FBXL19: variants seen among roughly 807,000 people sequenced by gnomAD.
FBXL19 encodes F-box and leucine rich repeat protein 19, also known as F-box/LRR-repeat protein 19.
FBXL19 carries 16 observed loss-of-function variants against 71.2 expected under a neutral mutation model. The ratio of observed to expected loss-of-function variants is 0.22; its 90% CI spans 0.15 to 0.34. The LOEUF is 0.34. Ranked by LOEUF, FBXL19 falls within the 10% of genes least tolerant of loss-of-function variation. The pLI, the probability that FBXL19 is intolerant of heterozygous loss-of-function variation, is 1.00. For synonymous variants in FBXL19, 447 were observed against 409.4 expected (o/e 1.09, Z -1.11); for missense variants, 658 against 968.2 (o/e 0.68, Z 4.25).
At chr16:30,943,835 C>T (rs1018623547) in intron 9 of FBXL19, among the ~76,000 whole-genome samples, 5 of 152,138 alleles carry the variant, frequency 3.3e-5, no homozygotes, top group Non-Finnish European at 7.4e-5. Flanking sequence ...TTCTTTCACC[C>T]CTCTCTTTCA....
chr16:30,928,357 G>A (rs1175415276), intron 5 of FBXL19, 110 bp from the exon 6 acceptor site: 7 of 1,186,748 alleles, frequency 5.9e-6, no homozygotes, highest in Non-Finnish European at 8.0e-6. Flanking sequence ...CCTGGGACGG[G>A]GGCTTCTGGG....
chr16:30,937,013 T>G (rs1183779260), intron 7 of FBXL19, among the ~76,000 whole-genome samples: 1 of 151,980 alleles, frequency 6.6e-6, no homozygotes, highest in Non-Finnish European at 1.5e-5. Context: ...AGTGCTGGGA[T>G]TAACAGGCGT....
intron 7 of FBXL19, among the ~76,000 whole-genome samples, chr16:30,935,460 A>T (rs944671395): frequency 5.3e-5 from 8 of 152,102 alleles, no homozygotes; most frequent in Non-Finnish European, 2.9e-5. Context: ...TGAAGAGTGG[A>T]GAGAGGGCAG....
intron 7 of FBXL19, among the ~76,000 whole-genome samples, chr16:30,940,258 CAA>C (rs879944923): frequency 1.5e-4 from 17 of 115,632 alleles, no homozygotes; most frequent in Non-Finnish European, 1.1e-4. Flanking sequence ...AACTCTGTCT[CAA>C]AAAAAAAAAA....
rs530492595 is a variant in FBXL19, at chr16:30,930,330, G to T, written c.1047G>T (p.Gly349=). 60 of 1,600,058 alleles carry T rather than the reference G, an allele frequency of 3.7e-5. No homozygotes were observed. In the Admixed American group the frequency reaches 7.9e-4, roughly 21 times the overall value. Residue 349 remains glycine (G), a synonymous_variant, in exon 7 of 11, where the codon GGG becomes GGT. Transcript: ENST00000338343. This position sits in a 1 kb window ranked among gnomAD's most constrained non-coding sequence, Gnocchi z 8.5. ...GSSGEKENRG[G]RRAVRPGSGG... ...CTGGCGAGAAGGAGAACCGTGGGGG[G>T]CGGCGGGCTGTGCGCCCTGGCAGTG...
chr16:30,945,549 A>G (rs1028082539), intron 9 of FBXL19, among the ~76,000 whole-genome samples: 1 of 151,454 alleles, frequency 6.6e-6, no homozygotes, highest in Admixed American at 6.6e-5. Context: ...TTTAATCCCA[A>G]CTACTTGGGA....
chr16:30,925,236 G>T lies in FBXL19; in HGVS notation c.-24-495G>T, dbSNP rs926866013. Among the ~76,000 whole-genome samples the T allele has an allele frequency of 2.6e-4, 39 of 152,064 alleles. No individual in the cohort carries two copies. Among genetic ancestry groups the T allele is most frequent in the Middle Eastern group, 6.8e-3 (2 of 294 alleles). ...CTGTGGATGAAAAGGTTGGTGGGGC[G>T]GGGGGGAGGAAAAGTCCGGAGCTTC... On this transcript the variant is annotated intron_variant, in intron 1 of 10. Transcript: ENST00000338343. This position sits in a 1 kb window ranked among gnomAD's most constrained non-coding sequence, Gnocchi z 5.0.
chr16:30,927,421 C>T lies in FBXL19; in HGVS notation c.291C>T (p.Cys97=). ...FGLSLMECTI[C]NEIVHPGCLK... Reference sequence around the variant, plus strand: ...TGAGCCTCATGGAGTGTACAATCTGCAACGAGATCGTCCACCCCGGCTGCC... The same window carrying T: ...TGAGCCTCATGGAGTGTACAATCTGTAACGAGATCGTCCACCCCGGCTGCC... Residue 97 remains cysteine (C), a synonymous_variant, in exon 3 of 11, where the codon TGC becomes TGT. Transcript: ENST00000338343. The T allele has an allele frequency of 6.3e-7, 1 of 1,593,152 alleles. No homozygotes were observed. Among genetic ancestry groups the T allele is most frequent in the East Asian group, 2.3e-5 (1 of 44,014 alleles).
chr16:30,924,252 G>C lies in FBXL19; in HGVS notation c.-232G>C, dbSNP rs2055562641. The stretch of plus-strand genomic sequence containing the variant: ...TGGAAGGGCCGCGCCGCAGCCCGTG[G>C]GAGGGCCTCGCCCCCGGCGCCCCCC... On this transcript the variant is annotated 5_prime_UTR_variant, in exon 1 of 11. Transcript: ENST00000338343. 6.6e-6 allele frequency: 1 copy of C among 152,036 alleles called. No individual in the cohort carries two copies. The allele number at this position is 152,036 out of a possible 1,614,324, so 9.4% of individuals were successfully genotyped here. A position where few individuals can be genotyped will look rare whatever the true frequency, so the allele number is the denominator to read the frequency against.
At chr16:30,923,171 G>A (rs1347860786), upstream of FBXL19, 2 of 456,580 alleles carry the variant, frequency 4.4e-6, no homozygotes, top group Non-Finnish European at 8.8e-6. Flanking sequence ...CACGCGGAGG[G>A]TTGTGGACAG....
intron 9 of FBXL19, among the ~76,000 whole-genome samples, chr16:30,945,885 G>A (rs1195388238): frequency 6.8e-6 from 1 of 147,004 alleles, no homozygotes; most frequent in Admixed American, 6.7e-5. Context: ...GAAAACGTAT[G>A]TATGTCAGAA....
intron 7 of FBXL19, among the ~76,000 whole-genome samples, chr16:30,936,527 G>A (rs1165961296): frequency 1.3e-5 from 2 of 148,160 alleles, no homozygotes; most frequent in African/African-American, 5.0e-5. Context: ...CCGGATTCAC[G>A]CCATTCTCCT....
intron 2 of FBXL19, among the ~76,000 whole-genome samples, chr16:30,927,075 G>C (rs2055600934): frequency 6.6e-6 from 1 of 152,210 alleles, no homozygotes; most frequent in South Asian, 2.1e-4. Flanking sequence ...TCTCCCAAGA[G>C]TCCTGCGAGG....
At position 30,942,064 on chromosome 16, in the gene FBXL19, G is replaced by A. The variant is rs2055808013; in HGVS notation, c.1302-52G>A. On this transcript the variant is annotated intron_variant, in intron 7 of 10. Coordinates refer to ENST00000338343, the MANE Select transcript of FBXL19 (RefSeq NM_001382779.1). The surrounding 1 kb of genome is among the most constrained non-coding windows in gnomAD (Gnocchi z 5.7). ...GGAGCTGGGGAGCCTGGGAACTGTG[G>A]GCTGCTGAGAGCTGAGGGCTGAGGT... 1 of 1,472,076 alleles carries A rather than the reference G, an allele frequency of 6.8e-7. No individual in the cohort carries two copies. 91.2% of individuals were successfully genotyped at this position (1,472,076 alleles called of 1,614,324 possible).
intron 2 of FBXL19, among the ~76,000 whole-genome samples, chr16:30,926,211 A>AC (rs771913877): frequency 2.7e-5 from 4 of 150,532 alleles, no homozygotes; most frequent in Non-Finnish European, 4.4e-5. Context: ...CTGCTCTATC[A>AC]CCCCCCAAGA....
At chr16:30,936,215 C>T (rs1421441950) in intron 7 of FBXL19, among the ~76,000 whole-genome samples, 7 of 152,222 alleles carry the variant, frequency 4.6e-5, no homozygotes, top group Non-Finnish European at 8.8e-5. Flanking sequence ...CCATAGCTCA[C>T]ATCCTCAGCT....
chr16:30,943,520 G>A (rs895623779), intron 9 of FBXL19, among the ~76,000 whole-genome samples: 7 of 151,774 alleles, frequency 4.6e-5, no homozygotes, highest in African/African-American at 7.2e-5. Flanking sequence ...GACTACAGGC[G>A]CCCGCCACCA....
intron 9 of FBXL19, among the ~76,000 whole-genome samples, chr16:30,945,393 C>T (rs1013710176): frequency 1.3e-5 from 2 of 152,104 alleles, no homozygotes; most frequent in African/African-American, 4.8e-5. Flanking sequence ...GGCATGGTGG[C>T]TCACACCTGT....
At position 30,925,289 on chromosome 16, in the gene FBXL19, G is replaced by A. The variant is rs1355917711; in HGVS notation, c.-24-442G>A. The stretch of plus-strand genomic sequence containing the variant: ...TCTAGGAATCTCTGGGTATCTGGGA[G>A]GTGAATCTGGGCAGTTTACCCCAGA... On this transcript the variant is annotated intron_variant, in intron 1 of 10. Coordinates refer to ENST00000338343, the MANE Select transcript of FBXL19 (RefSeq NM_001382779.1). The surrounding 1 kb of genome is among the most constrained non-coding windows in gnomAD (Gnocchi z 5.0). Among the ~76,000 whole-genome samples, 1 of 152,120 alleles carries A rather than the reference G, an allele frequency of 6.6e-6. No homozygotes were observed. The highest frequency in any genetic ancestry group is 1.5e-5 in the Non-Finnish European group (1 of 68,002).
Sources: allele counts gnomAD v4.1 joint callset (sites outside exome capture counted in the v4.1 genomes callset), GRCh38; gene constraint gnomAD v4.1.1; non-coding constraint Gnocchi (gnomAD v3.1); transcripts MANE v1.5; gene names NCBI Gene and HGNC (gene_info 2026-07-23, HGNC 2026-07-21).